Variants in TLN2 observed in about 807,000 individuals in gnomAD.
The protein encoded by TLN2 is talin-2.
A neutral mutation model predicts 294.7 loss-of-function variants in TLN2; 118 were observed. The observed-to-expected ratio is 0.40, with a 90% CI of 0.34 to 0.47. The LOEUF is 0.47. Among genes scored for constraint, TLN2 ranks in the 20% least tolerant of loss-of-function variants. The probability of loss-of-function intolerance (pLI) is 0.84; values close to 1 mark genes in which losing one functional copy is unlikely to be tolerated. For synonymous variants in TLN2, 1,431 were observed against 1,304.5 expected (o/e 1.10, Z -2.09); for missense variants, 3,083 against 3,282.2 (o/e 0.94, Z 1.48).
chr15:62,436,302 C>G (rs993522350), intron 1 of TLN2, among the ~76,000 whole-genome samples: 1 of 152,216 alleles, frequency 6.6e-6, no homozygotes, highest in African/African-American at 2.4e-5. Context: ...GAAAGCATAG[C>G]CAGGCTTCCA....
intron 50 of TLN2, 39 bp downstream of exon 50, chr15:62,800,808 C>G: frequency 6.4e-7 from 1 of 1,552,000 alleles, no homozygotes; most frequent in Non-Finnish European, 8.8e-7. Flanking sequence ...GTACCAGAGT[C>G]CCACAGCTGA....
intron 28 of TLN2, among the ~76,000 whole-genome samples, chr15:62,729,969 T>C (rs954641693): frequency 6.6e-6 from 1 of 152,096 alleles, no homozygotes; most frequent in African/African-American, 2.4e-5. Flanking sequence ...TCCTGCATAA[T>C]GCAAGAATCT....
At chr15:62,500,677 A>G (rs2039258598) in intron 1 of TLN2, among the ~76,000 whole-genome samples, 1 of 152,194 alleles carries the variant, frequency 6.6e-6, no homozygotes, top group South Asian at 2.1e-4. Context: ...AAAGACCCGA[A>G]TATCTGCTAT....
At position 62,506,260 on chromosome 15, in the gene TLN2, AT is replaced by A. The variant is rs2039616758; in HGVS notation, c.-237-83426del. On this transcript the variant is annotated intron_variant, in intron 1 of 58. Coordinates refer to ENST00000636159, the MANE Select transcript of TLN2 (RefSeq NM_015059.3). ...AGTGTGGCAGTGGTTATAGCACATT[AT>A]CTAGTGGCTGCTGGTATGAGGGTTT... Among the ~76,000 whole-genome samples, 10 of 150,802 alleles carry A rather than the reference AT, an allele frequency of 6.6e-5. No individual in the cohort carries two copies. In the South Asian group the frequency reaches 2.1e-3, roughly 31 times the overall value.
chr15:62,522,980 T>A (rs7182864), intron 1 of TLN2, among the ~76,000 whole-genome samples: 16,941 of 87,528 alleles, frequency 0.19, 1,013 homozygotes, highest in African/African-American at 0.32. Flanking sequence ...ACACACACAC[T>A]CTCTCACTCA....
intron 43 of TLN2, 92 bp downstream of exon 43, chr15:62,777,002 C>G: frequency 8.4e-7 from 1 of 1,197,386 alleles, no homozygotes; most frequent in Non-Finnish European, 1.1e-6. Flanking sequence ...CTCATAGCAA[C>G]AAGCCTCTTC....
intron 1 of TLN2, among the ~76,000 whole-genome samples, chr15:62,544,102 A>T (rs2041856252): frequency 6.6e-6 from 1 of 152,310 alleles, no homozygotes; most frequent in East Asian, 1.9e-4. Flanking sequence ...TTTGTATAAT[A>T]ATCATTTGTG....
intron 3 of TLN2, among the ~76,000 whole-genome samples, chr15:62,627,783 T>TC (rs1436453146): frequency 6.6e-6 from 1 of 152,224 alleles, no homozygotes; most frequent in Non-Finnish European, 1.5e-5. Context: ...TCCTTTTTTT[T>TC]CTTTAAGAAA....
chr15:62,547,470 T>C (rs1412156986), intron 1 of TLN2, among the ~76,000 whole-genome samples: 1 of 152,226 alleles, frequency 6.6e-6, no homozygotes, highest in African/African-American at 2.4e-5. Context: ...ATCTCTGTGA[T>C]GGGGGTAAAT....
chr15:62,796,778 C>T (rs1328417011), intron 47 of TLN2, among the ~76,000 whole-genome samples: 2 of 152,186 alleles, frequency 1.3e-5, no homozygotes, highest in Non-Finnish European at 2.9e-5. Flanking sequence ...AAGGGCTGGG[C>T]TAGGGAGGCA....
chr15:62,825,838 TATATATAA>T (rs2068110471), intron 54 of TLN2, among the ~76,000 whole-genome samples: 1 of 91,812 alleles, frequency 1.1e-5, no homozygotes, highest in Non-Finnish European at 1.9e-5. Flanking sequence ...TAATATATAA[TATATATAA>T]ATATATTATA....
intron 3 of TLN2, among the ~76,000 whole-genome samples, chr15:62,620,455 TTC>T (rs1371029776): frequency 6.6e-6 from 1 of 151,500 alleles, no homozygotes; most frequent in Non-Finnish European, 1.5e-5. Context: ...CATACTCTCT[TTC>T]TCTCTCTCTC....
At chr15:62,567,208 T>C (rs1166336310) in intron 1 of TLN2, among the ~76,000 whole-genome samples, 1 of 152,222 alleles carries the variant, frequency 6.6e-6, no homozygotes, top group Non-Finnish European at 1.5e-5. Flanking sequence ...TTCGGATCAT[T>C]CAGTTGTTTC....
intron 1 of TLN2, among the ~76,000 whole-genome samples, chr15:62,405,796 A>G (rs1194699981): frequency 1.3e-5 from 2 of 152,148 alleles, no homozygotes; most frequent in Non-Finnish European, 2.9e-5. Flanking sequence ...GCAGGGATGG[A>G]TTTTAACAGT....
rs1413922080 is a variant in TLN2, at chr15:62,711,937, C to T, written c.2494C>T (p.Leu832=). 3 of 1,611,246 alleles carry T rather than the reference C, an allele frequency of 1.9e-6. No homozygotes were observed. Among genetic ancestry groups the T allele is most frequent in the Non-Finnish European group, 2.5e-6 (3 of 1,177,768 alleles). Residue 832 remains leucine (L), a synonymous_variant, in exon 22 of 59, where the codon CTG becomes TTG. Coordinates refer to ENST00000636159, the MANE Select transcript of TLN2 (RefSeq NM_015059.3). ...AGEMVRQARV[L]AQATSDLVNA... ...TGAAATGGTGCGCCAGGCGCGGGTT[C>T]TGGCCCAAGCCACATCAGACCTCGT...
chr15:62,419,431 C>A (rs1010262286), intron 1 of TLN2, among the ~76,000 whole-genome samples: 4 of 152,140 alleles, frequency 2.6e-5, no homozygotes, highest in African/African-American at 7.2e-5. Context: ...GAGAGTGATG[C>A]TTTCTGGAGT....
intron 1 of TLN2, among the ~76,000 whole-genome samples, chr15:62,509,063 T>C (rs2039789548): frequency 6.6e-6 from 1 of 152,212 alleles, no homozygotes; most frequent in Admixed American, 6.5e-5. Flanking sequence ...GAAACTAAAC[T>C]ATAGAAAGCT....
At chr15:62,737,163 A>C in intron 29 of TLN2, 77 bp downstream of exon 29, 1 of 1,489,090 alleles carries the variant, frequency 6.7e-7, no homozygotes, top group South Asian at 1.2e-5. Context: ...TCTCCTGGGC[A>C]CTTTTCCCTG....
intron 58 of TLN2, among the ~76,000 whole-genome samples, 172 bp downstream of exon 58, chr15:62,839,153 C>T (rs1466047588): frequency 2.6e-5 from 4 of 152,204 alleles, no homozygotes; most frequent in Non-Finnish European, 5.9e-5. Context: ...TTCTATTTCA[C>T]CATCCCTGAG....
Sources: gnomAD v4.1 joint callset for allele counts (sites outside exome capture counted in the v4.1 genomes callset) on GRCh38, gnomAD v4.1.1 for gene constraint, MANE v1.5 for transcripts, NCBI Gene and HGNC (gene_info 2026-07-23, HGNC 2026-07-21) for gene names.